The following NSMCE2 variants were observed in gnomAD, a reference collection of about 807,000 sequenced individuals.
NSMCE2 encodes E3 SUMO-protein ligase NSE2.
A neutral mutation model predicts 23.8 loss-of-function variants in NSMCE2; 24 were observed. The ratio of observed to expected loss-of-function variants is 1.01; its 90% CI spans 0.73 to 1.42. The LOEUF is 1.42. NSMCE2 is among the 40% of genes most tolerant of loss of function. The probability of loss-of-function intolerance (pLI) is 0.00; values close to 1 mark genes in which losing one functional copy is unlikely to be tolerated. For synonymous variants in NSMCE2, 92 were observed against 94.1 expected (o/e 0.98, Z 0.13); for missense variants, 284 against 296.5 (o/e 0.96, Z 0.31).
intron 5 of NSMCE2, among the ~76,000 whole-genome samples, chr8:125,235,677 A>AT (rs1825514305): frequency 6.6e-6 from 1 of 152,222 alleles, no homozygotes; most frequent in Non-Finnish European, 1.5e-5. Flanking sequence ...GTGTTTAAAT[A>AT]TACCTTTTTA....
At chr8:125,340,821 G>A (rs1168515249) in intron 5 of NSMCE2, among the ~76,000 whole-genome samples, 1 of 152,150 alleles carries the variant, frequency 6.6e-6, no homozygotes. Flanking sequence ...CCCTCACAAG[G>A]TCTTTCCAAC....
intron 5 of NSMCE2, among the ~76,000 whole-genome samples, chr8:125,283,313 C>T (rs1419791936): frequency 6.6e-6 from 1 of 152,106 alleles, no homozygotes; most frequent in African/African-American, 2.4e-5. Context: ...CTTTGGGAGG[C>T]TTAAGTGGGT....
At chr8:125,237,535 C>T (rs1586654131) in intron 5 of NSMCE2, among the ~76,000 whole-genome samples, 2 of 152,296 alleles carry the variant, frequency 1.3e-5, no homozygotes, top group African/African-American at 2.4e-5. Flanking sequence ...TGCTGTGCTT[C>T]CACACACACC....
chr8:125,274,026 G>T (rs903502205), intron 5 of NSMCE2, among the ~76,000 whole-genome samples: 1 of 152,118 alleles, frequency 6.6e-6, no homozygotes, highest in Non-Finnish European at 1.5e-5. Context: ...TTGCAAGGTG[G>T]AATGTGCTGC....
chr8:125,183,942 A>G (rs1305642145), intron 5 of NSMCE2, among the ~76,000 whole-genome samples: 2 of 152,170 alleles, frequency 1.3e-5, no homozygotes, highest in African/African-American at 4.8e-5. Context: ...ATTTTGAACT[A>G]ATATATGTAC....
At chr8:125,142,425 G>A (rs558623210) in intron 3 of NSMCE2, among the ~76,000 whole-genome samples, 37 of 152,084 alleles carry the variant, frequency 2.4e-4, no homozygotes, top group Non-Finnish European at 4.0e-4. Context: ...TCTGTGTCAC[G>A]ATGATGAGGG....
chr8:125,099,629 A>G (rs1480893744), intron 1 of NSMCE2, among the ~76,000 whole-genome samples: 2 of 152,112 alleles, frequency 1.3e-5, no homozygotes, highest in African/African-American at 2.4e-5. Flanking sequence ...TGATAGGTCA[A>G]AGGAGATAGG....
intron 4 of NSMCE2, among the ~76,000 whole-genome samples, chr8:125,151,879 T>C (rs1358825106): frequency 6.6e-6 from 1 of 152,186 alleles, no homozygotes; most frequent in Non-Finnish European, 1.5e-5. Context: ...ACGATTGCAG[T>C]CATGTTTCTG....
chr8:125,128,715 A>G (rs1819622795), intron 3 of NSMCE2, among the ~76,000 whole-genome samples: 1 of 152,186 alleles, frequency 6.6e-6, no homozygotes, highest in Admixed American at 6.5e-5. Context: ...GGCAGTGCAC[A>G]TTCCTTGGCT....
At chr8:125,167,687 T>C (rs556045414) in intron 4 of NSMCE2, among the ~76,000 whole-genome samples, 31 of 151,038 alleles carry the variant, frequency 2.1e-4, no homozygotes, top group Admixed American at 5.3e-4. Flanking sequence ...GAAGAAATTA[T>C]GCTAAAGGGA....
chr8:125,173,034 T>A (rs35401436), intron 4 of NSMCE2, among the ~76,000 whole-genome samples: 10,248 of 152,296 alleles, frequency 0.067, 443 homozygotes, highest in South Asian at 0.16. Flanking sequence ...CAACAGGTGT[T>A]CCAGGTTCCA....
At chr8:125,209,031 T>G (rs908936761) in intron 5 of NSMCE2, among the ~76,000 whole-genome samples, 1 of 152,206 alleles carries the variant, frequency 6.6e-6, no homozygotes, top group African/African-American at 2.4e-5. Context: ...AGGCTGGTCT[T>G]GAACTCCTGG....
At chr8:125,288,411 AAC>A (rs1491170854) in intron 5 of NSMCE2, among the ~76,000 whole-genome samples, 5 of 152,158 alleles carry the variant, frequency 3.3e-5, no homozygotes, top group African/African-American at 4.8e-5. Flanking sequence ...TAATTAGACT[AAC>A]CCCCTTCCTT....
chr8:125,127,885 T>A (rs994700411), intron 3 of NSMCE2, among the ~76,000 whole-genome samples: 11 of 152,320 alleles, frequency 7.2e-5, no homozygotes, highest in African/African-American at 2.4e-4. Flanking sequence ...CTGAAGGTAA[T>A]TTTATACAAC....
chr8:125,232,531 T>C (rs1825368588), intron 5 of NSMCE2, among the ~76,000 whole-genome samples: 1 of 152,162 alleles, frequency 6.6e-6, no homozygotes, highest in African/African-American at 2.4e-5. Flanking sequence ...CTATTAATAG[T>C]ACTGTAATGT....
At chr8:125,114,181 A>G (rs940321659) in intron 3 of NSMCE2, among the ~76,000 whole-genome samples, 1 of 151,744 alleles carries the variant, frequency 6.6e-6, no homozygotes, top group African/African-American at 2.4e-5. Flanking sequence ...TCTCTGCTTT[A>G]TTTTTCTCTC....
intron 4 of NSMCE2, among the ~76,000 whole-genome samples, chr8:125,153,470 G>A (rs1245719695): frequency 3.3e-5 from 5 of 152,138 alleles, no homozygotes; most frequent in Admixed American, 2.6e-4. Context: ...CCATTTTGAG[G>A]GAAATGTTTT....
In NSMCE2 at chr8:125,361,435, T is replaced by C. The variant is rs1343802172; in HGVS notation, c.626+3617T>C. Among the ~76,000 whole-genome samples, 4 of 152,314 alleles carry C rather than the reference T, an allele frequency of 2.6e-5. No individual in the cohort carries two copies. In the East Asian group the frequency reaches 7.7e-4, roughly 29 times the overall value. The stretch of plus-strand genomic sequence containing the variant: ...TTTTTAAAAGTCATATTTAAGAGCA[T>C]GTAGAATAAAATGAAATTGAATAGA... On this transcript the variant is annotated intron_variant, in intron 7 of 7. Transcript: ENST00000287437.
At chr8:125,331,193 G>C (rs1032478216) in intron 5 of NSMCE2, among the ~76,000 whole-genome samples, 1 of 152,134 alleles carries the variant, frequency 6.6e-6, no homozygotes, top group Non-Finnish European at 1.5e-5. Context: ...CCAGCTACTC[G>C]GGAGGCTGAG....
Sources: allele counts gnomAD v4.1 joint callset (sites outside exome capture counted in the v4.1 genomes callset), GRCh38; gene constraint gnomAD v4.1.1; transcripts MANE v1.5; gene names NCBI Gene and HGNC (gene_info 2026-07-23, HGNC 2026-07-21).